UNC13C: variants seen among roughly 807,000 people sequenced by gnomAD.
UNC13C encodes the protein unc-13 homolog C.
UNC13C carries 174 observed loss-of-function variants against 245.4 expected under a neutral mutation model. The ratio of observed to expected loss-of-function variants is 0.71; its 90% CI spans 0.63 to 0.80. UNC13C has a LOEUF of 0.80. UNC13C is among the 30% of genes least tolerant of loss of function. UNC13C has a pLI of 0.00. For synonymous variants in UNC13C, 992 were observed against 895.1 expected, an observed-to-expected ratio of 1.11 and a Z score of -1.93; for missense variants, 2,829 against 2,602.9, an observed-to-expected ratio of 1.09 and a Z score of -1.89.
chr15:54,577,904 T>C lies in UNC13C; in HGVS notation c.6106+9957T>C, dbSNP rs1003592865. Among the ~76,000 whole-genome samples, 3 of 152,156 alleles carry C rather than the reference T, an allele frequency of 2.0e-5. No homozygotes were observed. The East Asian group carries it at 5.8e-4, about 29-fold the overall frequency. ...GCAACTCCTTCATATGGGTCAAAGA[T>C]TAACATGTTGAAATAAGCATTTCAA... On this transcript the variant is annotated intron_variant, in intron 30 of 32. Coordinates refer to ENST00000260323, the MANE Select transcript of UNC13C (RefSeq NM_001080534.3).
intron 22 of UNC13C, among the ~76,000 whole-genome samples, chr15:54,505,018 T>C (rs1388292513): frequency 6.6e-6 from 1 of 152,172 alleles, no homozygotes; most frequent in Non-Finnish European, 1.5e-5. Context: ...GCAGAATCAC[T>C]CTCTGTACTG....
chr15:54,352,012 TAAAA>T (rs1302222308), intron 17 of UNC13C, among the ~76,000 whole-genome samples: 1 of 151,774 alleles, frequency 6.6e-6, no homozygotes, highest in Non-Finnish European at 1.5e-5. Flanking sequence ...CATAAGTAAT[TAAAA>T]GAGAGAAATA....
chr15:54,211,207 T>C (rs2034868740), intron 4 of UNC13C, among the ~76,000 whole-genome samples: 1 of 152,094 alleles, frequency 6.6e-6, no homozygotes, highest in Admixed American at 6.6e-5. Flanking sequence ...TATGCTGGCT[T>C]CCCTTTCAAC....
At chr15:54,621,410 G>C (rs2141309945) in intron 30 of UNC13C, among the ~76,000 whole-genome samples, 1 of 151,944 alleles carries the variant, frequency 6.6e-6, no homozygotes, top group South Asian at 2.1e-4. Flanking sequence ...ATTGAAATAT[G>C]GTTAAATTAT....
At chr15:54,403,292 G>T (rs1054515876) in intron 18 of UNC13C, among the ~76,000 whole-genome samples, 3 of 152,100 alleles carry the variant, frequency 2.0e-5, no homozygotes, top group African/African-American at 7.2e-5. Context: ...GGTATGCCTA[G>T]CTACTTGGGA....
At chr15:54,317,816 T>TA (rs1464795727) in intron 13 of UNC13C, among the ~76,000 whole-genome samples, 1 of 151,926 alleles carries the variant, frequency 6.6e-6, no homozygotes, top group Non-Finnish European at 1.5e-5. Flanking sequence ...CACCATTCTG[T>TA]AAAATAGATC....
At chr15:54,202,433 A>T (rs550499115) in intron 4 of UNC13C, among the ~76,000 whole-genome samples, 10 of 152,120 alleles carry the variant, frequency 6.6e-5, no homozygotes, top group Admixed American at 2.0e-4. Context: ...TATAAGCCAT[A>T]GTCACCAAAA....
chr15:54,603,014 C>T (rs1259198718), intron 30 of UNC13C, among the ~76,000 whole-genome samples: 2 of 152,292 alleles, frequency 1.3e-5, no homozygotes, highest in East Asian at 3.9e-4. Context: ...GGCTCTGGTG[C>T]ATCTGTTTAG....
Position 54,237,166 on chromosome 15 carries a change from T to C in UNC13C, c.3157-453T>C, listed in dbSNP as rs78631717. Among the ~76,000 whole-genome samples the C allele has an allele frequency of 3.3e-3, 506 of 152,308 alleles. 20 individuals carry two copies. The East Asian group carries it at 0.064, about 19-fold the overall frequency. ...CTTGAATAGATATGGAAGAATATTCTAGGGAACTATGAACAACTCAGGAAC... is the reference window on the plus strand; with the variant it reads ...CTTGAATAGATATGGAAGAATATTCCAGGGAACTATGAACAACTCAGGAAC... On this transcript the variant is annotated intron_variant, in intron 6 of 32. Coordinates refer to ENST00000260323, the MANE Select transcript of UNC13C (RefSeq NM_001080534.3).
intron 30 of UNC13C, among the ~76,000 whole-genome samples, chr15:54,617,600 T>A (rs1900528545): frequency 6.6e-6 from 1 of 152,082 alleles, no homozygotes; most frequent in South Asian, 2.1e-4. Flanking sequence ...AATAAAAAAT[T>A]GTAGCCATTA....
the UNC13C span, among the ~76,000 whole-genome samples, chr15:53,883,470 G>A: frequency 1.3e-5 from 2 of 152,174 alleles, no homozygotes; most frequent in Admixed American, 1.3e-4. Flanking sequence ...TTGGCATGGG[G>A]TTCAAGAGTT....
Position 54,481,121 on chromosome 15 carries a change from A to G in UNC13C, c.4934-13487A>G, listed in dbSNP as rs372054155. Among the ~76,000 whole-genome samples the G allele has an allele frequency of 4.6e-5, 7 of 152,282 alleles. 1 individual carries two copies. Among genetic ancestry groups the G allele is most frequent in the East Asian group, 1.9e-4 (1 of 5,178 alleles). ...TACCATTCCTTTGGCTGTAATCAGT[A>G]TCATTAATGTCTTGGAGTTCCTCTG... On this transcript the variant is annotated intron_variant, in intron 19 of 32. Coordinates refer to ENST00000260323, the MANE Select transcript of UNC13C (RefSeq NM_001080534.3).
At chr15:54,196,207 A>G (rs2034347548) in intron 4 of UNC13C, among the ~76,000 whole-genome samples, 1 of 152,150 alleles carries the variant, frequency 6.6e-6, no homozygotes, top group Non-Finnish European at 1.5e-5. Flanking sequence ...CAAGAAAATA[A>G]GGGAACTTTT....
intron 13 of UNC13C, among the ~76,000 whole-genome samples, chr15:54,301,329 T>G (rs1224786124): frequency 6.6e-6 from 1 of 150,944 alleles, no homozygotes; most frequent in Non-Finnish European, 1.5e-5. Flanking sequence ...GGGGTACATG[T>G]GCAGAATGTG....
chr15:54,265,407 A>G lies in UNC13C; in HGVS notation c.3729A>G (p.Pro1243=), dbSNP rs1361001207. 1.1e-5 allele frequency: 18 copies of G among 1,590,972 alleles called. No homozygotes were observed. Among genetic ancestry groups the G allele is most frequent in the East Asian group, 2.2e-5 (1 of 44,474 alleles). The change falls in exon 10 of 33, where the codon CCA becomes CCG. Residue 1243 remains proline (P), a synonymous_variant. Coordinates refer to ENST00000260323, the MANE Select transcript of UNC13C (RefSeq NM_001080534.3). ...QAKDKTGSSD[P]YVTVQVGKNK... is the part of the protein sequence containing the mutation. ...AAGATAAAACAGGGTCTAGTGATCC[A>G]TATGTTACAGTTCAAGTTGGAAAGA...
chr15:54,509,700 A>G (rs1894649255), intron 23 of UNC13C, among the ~76,000 whole-genome samples: 1 of 152,152 alleles, frequency 6.6e-6, no homozygotes, highest in African/African-American at 2.4e-5. Context: ...TTCATTTACT[A>G]TGAAGTTGTT....
chr15:53,928,104 G>T, the UNC13C span, among the ~76,000 whole-genome samples: 12 of 145,118 alleles, frequency 8.3e-5, no homozygotes, highest in African/African-American at 3.0e-4. Context: ...AGTGGCGCTA[G>T]AGGAATTAAA....
At position 54,575,499 on chromosome 15, in the gene UNC13C, A is replaced by G. The variant is rs141103053; in HGVS notation, c.6106+7552A>G. Among the ~76,000 whole-genome samples the G allele has an allele frequency of 2.6e-4, 40 of 152,236 alleles. No individual in the cohort carries two copies. In the East Asian group the frequency reaches 7.7e-3, roughly 29 times the overall value. ...GAAATGGTTCACTGTGGAAAGAGTG[A>G]ACCATTTTCTTATCAGTAATGCAGA... On this transcript the variant is annotated intron_variant, in intron 30 of 32. Coordinates refer to ENST00000260323, the MANE Select transcript of UNC13C (RefSeq NM_001080534.3).
the UNC13C span, among the ~76,000 whole-genome samples, chr15:53,901,386 T>A: frequency 2.7e-5 from 3 of 112,808 alleles, no homozygotes; most frequent in Non-Finnish European, 6.5e-5. Context: ...TGCCTAGCTA[T>A]TTTTTTTGTA....
Sources: allele counts gnomAD v4.1 joint callset (sites outside exome capture counted in the v4.1 genomes callset), GRCh38; gene constraint gnomAD v4.1.1; transcripts MANE v1.5; gene names NCBI Gene and HGNC (gene_info 2026-07-23, HGNC 2026-07-21).